Variants in AKAP13 observed in about 807,000 individuals in gnomAD.
AKAP13 encodes the protein A-kinase anchoring protein 13, also known as A-kinase anchor protein 13.
Under a neutral mutation model 264.5 loss-of-function variants are expected in AKAP13, and 80 were observed. The ratio of observed to expected loss-of-function variants is 0.30; its 90% CI spans 0.25 to 0.36. The LOEUF (loss-of-function observed/expected upper bound fraction) is 0.36. Among genes scored for constraint, AKAP13 ranks in the 10% least tolerant of loss-of-function variants. AKAP13 has a pLI of 1.00. For synonymous variants in AKAP13, 1,380 were observed against 1,250.2 expected, an observed-to-expected ratio of 1.10 and a Z score of -2.19; for missense variants, 3,712 against 3,435.2, an observed-to-expected ratio of 1.08 and a Z score of -2.01.
chr15:85,698,655 A>G (rs1359620067), intron 17 of AKAP13, among the ~76,000 whole-genome samples: 2 of 149,338 alleles, frequency 1.3e-5, no homozygotes, highest in Non-Finnish European at 3.0e-5. Context: ...ATAAAAATTT[A>G]TTTACAGGCC....
intron 2 of AKAP13, among the ~76,000 whole-genome samples, chr15:85,487,183 A>T (rs1325348930): frequency 6.6e-6 from 1 of 152,132 alleles, no homozygotes. Flanking sequence ...ATGCCTTAGG[A>T]TTTTCTCTGT....
chr15:85,561,736 A>G (rs1397020357), intron 5 of AKAP13, among the ~76,000 whole-genome samples: 5 of 152,338 alleles, frequency 3.3e-5, no homozygotes, highest in South Asian at 2.1e-4. Flanking sequence ...GGAGTGATGT[A>G]GTATTCCAGA....
intron 16 of AKAP13, among the ~76,000 whole-genome samples, chr15:85,691,139 G>C (rs977568744): frequency 6.6e-6 from 1 of 152,208 alleles, no homozygotes; most frequent in Non-Finnish European, 1.5e-5. Flanking sequence ...AAGGCATTTA[G>C]TAGTTGTCAT....
At chr15:85,566,446 G>A (rs533340954) in intron 5 of AKAP13, among the ~76,000 whole-genome samples, 192 of 152,206 alleles carry the variant, frequency 1.3e-3, no homozygotes, top group African/African-American at 4.4e-3. Flanking sequence ...TTAATATTGA[G>A]ACATTAATGT....
In AKAP13 at chr15:85,746,058, C is replaced by T. The variant is rs1365062537; in HGVS notation, c.*1381C>T. ...ATGGTAATGTTGCCCTCTGAGGCCC[C>T]GTACACCAGAAGGGAGGCCCTGGAA... On this transcript the variant is annotated 3_prime_UTR_variant, in exon 37 of 37. Coordinates refer to ENST00000394518, the MANE Select transcript of AKAP13 (RefSeq NM_007200.5). 3.3e-5 allele frequency: 5 copies of T among 152,306 alleles called. No individual in the cohort carries two copies. The highest frequency in any genetic ancestry group is 1.3e-4 in the Admixed American group (2 of 15,272). The allele number at this position is 152,306 out of a possible 1,614,324, so 9.4% of individuals were successfully genotyped here.
intron 1 of AKAP13, among the ~76,000 whole-genome samples, chr15:85,387,035 T>C (rs1193473950): frequency 2.0e-5 from 3 of 152,102 alleles, no homozygotes; most frequent in Non-Finnish European, 4.4e-5. Flanking sequence ...CTTTTTTTTC[T>C]TTTTTAAGAT....
chr15:85,747,701 A>G lies in AKAP13; in HGVS notation c.*3024A>G, dbSNP rs889557556. On this transcript the variant is annotated 3_prime_UTR_variant, in exon 37 of 37. Transcript: ENST00000394518. ...ACTGTGTTTTCTTCTTAGAAAATGGAGAGGGTTAAAAACATGCAAACTGCC... is the reference window on the plus strand; with the variant it reads ...ACTGTGTTTTCTTCTTAGAAAATGGGGAGGGTTAAAAACATGCAAACTGCC... The G allele has an allele frequency of 6.6e-6, 1 of 152,644 alleles. No individual in the cohort carries two copies. The highest frequency in any genetic ancestry group is 1.5e-5 in the Non-Finnish European group (1 of 68,042). The allele number at this position is 152,644 out of a possible 1,614,324, so 9.5% of individuals were successfully genotyped here. A position where few individuals can be genotyped will look rare whatever the true frequency, so the allele number is the denominator to read the frequency against.
At chr15:85,719,452 T>A in intron 23 of AKAP13, 126 bp downstream of exon 23, 2 of 1,263,614 alleles carry the variant, frequency 1.6e-6, no homozygotes, top group Non-Finnish European at 2.2e-6. Flanking sequence ...GGGAACTTAT[T>A]TAATTTCTCT....
chr15:85,744,635 C>T lies in AKAP13; in HGVS notation c.8400C>T (p.Pro2800=), dbSNP rs150237862. The change falls in exon 37 of 37, where the codon CCC becomes CCT. Residue 2800 remains proline (P), a synonymous_variant. Coordinates refer to ENST00000394518, the MANE Select transcript of AKAP13 (RefSeq NM_007200.5). ...TGGTTTTCACATTTCCAGATGGTCC[C>T]GCGTCAGAAGTATCAGCAGAGGGTG... is the stretch of plus-strand genomic sequence containing the variant. ...KTSRSQPGDG[P]ASEVSAEGEE... is the part of the protein sequence containing the mutation. The T allele has an allele frequency of 1.0e-3, 1,617 of 1,613,608 alleles. 2 individuals carry two copies. The highest frequency in any genetic ancestry group is 1.3e-3 in the Non-Finnish European group (1,487 of 1,179,898).
chr15:85,428,558 G>T (rs2072896796), intron 1 of AKAP13, among the ~76,000 whole-genome samples: 1 of 152,240 alleles, frequency 6.6e-6, no homozygotes, highest in African/African-American at 2.4e-5. Context: ...TGCCAAGTTT[G>T]GCCTGAAGCC....
intron 8 of AKAP13, among the ~76,000 whole-genome samples, chr15:85,587,261 C>A (rs376789343): frequency 6.6e-6 from 1 of 152,182 alleles, no homozygotes; most frequent in African/African-American, 2.4e-5. Context: ...GTAGATAGTA[C>A]GTAAACTGCC....
At chr15:85,486,431 T>G (rs1240238684) in intron 2 of AKAP13, among the ~76,000 whole-genome samples, 3 of 152,198 alleles carry the variant, frequency 2.0e-5, no homozygotes, top group African/African-American at 7.2e-5. Context: ...TTTTGTGTAT[T>G]TTGTAAGGGA....
rs2087410429 is a variant in AKAP13 at position 85,723,382 on chromosome 15, C to T, written c.6745+62C>T. On this transcript the variant is annotated intron_variant, in intron 26 of 36. Transcript: ENST00000394518. ...GGTAAAACAGGCAAAAATCCAAGTGCTTTTGTTGGAAATTCACTACCAGAT... is the reference window on the plus strand; with the variant it reads ...GGTAAAACAGGCAAAAATCCAAGTGTTTTTGTTGGAAATTCACTACCAGAT... 8 of 1,576,018 alleles carry T rather than the reference C, an allele frequency of 5.1e-6. No homozygotes were observed. The East Asian group carries it at 1.1e-4, about 22-fold the overall frequency.
chr15:85,698,128 A>G (rs951125629), intron 17 of AKAP13, among the ~76,000 whole-genome samples: 1 of 152,176 alleles, frequency 6.6e-6, no homozygotes, highest in African/African-American at 2.4e-5. Flanking sequence ...TCCATAAAAT[A>G]TAGTATATTT....
At chr15:85,506,851 C>T (rs1297334136) in intron 2 of AKAP13, among the ~76,000 whole-genome samples, 1 of 152,218 alleles carries the variant, frequency 6.6e-6, no homozygotes, top group Non-Finnish European at 1.5e-5. Context: ...ATCCTTGGCA[C>T]TGCTTTATGC....
At chr15:85,587,978 G>C (rs987553343) in intron 8 of AKAP13, among the ~76,000 whole-genome samples, 1 of 151,776 alleles carries the variant, frequency 6.6e-6, no homozygotes, top group Non-Finnish European at 1.5e-5. Flanking sequence ...AACTTGTTGA[G>C]AGAAACAGTG....
intron 1 of AKAP13, chr15:85,382,127 A>T (rs893249494): frequency 2.0e-5 from 3 of 152,260 alleles, no homozygotes; most frequent in African/African-American, 7.2e-5. Flanking sequence ...TCAGTTCCCC[A>T]GATGGAACTA....
chr15:85,673,287 G>C (rs765260703), intron 14 of AKAP13, among the ~76,000 whole-genome samples: 4 of 152,186 alleles, frequency 2.6e-5, no homozygotes, highest in Admixed American at 2.0e-4. Flanking sequence ...TTCTGGGGTG[G>C]AGAGTAGGCA....
At chr15:85,610,732 T>TC (rs1202776730) in intron 8 of AKAP13, among the ~76,000 whole-genome samples, 2 of 152,162 alleles carry the variant, frequency 1.3e-5, no homozygotes, top group African/African-American at 4.8e-5. Context: ...TCCCAGCACT[T>TC]CGGGAGGCCG....
Sources: gnomAD v4.1 joint callset for allele counts (sites outside exome capture counted in the v4.1 genomes callset) on GRCh38, gnomAD v4.1.1 for gene constraint, MANE v1.5 for transcripts, NCBI Gene and HGNC (gene_info 2026-07-23, HGNC 2026-07-21) for gene names.